Variants in RBFOX1 observed in about 807,000 individuals in gnomAD.
RBFOX1 encodes the protein RNA binding fox-1 homolog 1, also known as RNA binding protein fox-1 homolog 1.
In RBFOX1, 8 loss-of-function variants were observed where a neutral mutation model predicts 57.7. The ratio of observed to expected loss-of-function variants is 0.14; its 90% CI spans 0.08 to 0.25. RBFOX1 has a LOEUF of 0.25. RBFOX1 is among the 10% of genes least tolerant of loss of function. The pLI is 1.00. For synonymous variants in RBFOX1, 326 were observed against 222.4 expected (o/e 1.47, Z -4.15); for missense variants, 611 against 548.5 (o/e 1.11, Z -1.14).
chr16:7,676,552 T>C (rs2073334219), intron 13 of RBFOX1, among the ~76,000 whole-genome samples: 1 of 152,212 alleles, frequency 6.6e-6, no homozygotes, highest in Admixed American at 6.5e-5. Flanking sequence ...TCTTTTGGGA[T>C]GTGCTTATGA....
Position 7,561,065 on chromosome 16 carries a change from A to T in RBFOX1, c.271-18712A>T, listed in dbSNP as rs13338705. 7.5e-3 allele frequency among the ~76,000 whole-genome samples: 1,141 copies of T among 152,284 alleles called. 10 individuals carry two copies. Among genetic ancestry groups the T allele is most frequent in the African/African-American group, 0.026 (1,088 of 41,574 alleles). ...ATGTCTTCTTCATCCTTCAGTCCCCATATGTAGCAAATGTTCTTTATACAA... is the reference window on the plus strand; with the variant it reads ...ATGTCTTCTTCATCCTTCAGTCCCCTTATGTAGCAAATGTTCTTTATACAA... On this transcript the variant is annotated intron_variant, in intron 5 of 15. Coordinates refer to ENST00000550418, the MANE Select transcript of RBFOX1 (RefSeq NM_018723.4).
chr16:6,109,454 T>C (rs77101638), intron 1 of RBFOX1, among the ~76,000 whole-genome samples: 6,120 of 152,232 alleles, frequency 0.04, 298 homozygotes, highest in East Asian at 0.24. Flanking sequence ...CCAGGAATTG[T>C]GGAGATAAAT....
At chr16:5,693,953 T>C (rs927148560) in intron 3 of RBFOX1, among the ~76,000 whole-genome samples, 1 of 152,174 alleles carries the variant, frequency 6.6e-6, no homozygotes, top group Non-Finnish European at 1.5e-5. Context: ...TGTTACCCAT[T>C]TTCCCCAGTT....
intron 3 of RBFOX1, among the ~76,000 whole-genome samples, chr16:5,735,035 G>A (rs2052521343): frequency 6.6e-6 from 1 of 152,222 alleles, no homozygotes; most frequent in Admixed American, 6.5e-5. Context: ...CATGAGAGAA[G>A]TATGTGAAGT....
intron 1 of RBFOX1, among the ~76,000 whole-genome samples, chr16:6,158,629 C>T (rs2096855456): frequency 6.6e-6 from 1 of 152,126 alleles, no homozygotes; most frequent in Non-Finnish European, 1.5e-5. Flanking sequence ...TTGACCACTG[C>T]ACATGAGTTA....
chr16:5,524,483 T>C (rs1021053569), intron 2 of RBFOX1, among the ~76,000 whole-genome samples: 8 of 152,138 alleles, frequency 5.3e-5, no homozygotes, highest in Admixed American at 3.9e-4. Context: ...ATGATTTATA[T>C]TCCTTTCGGT....
At chr16:6,135,657 G>T (rs2096661204) in intron 1 of RBFOX1, among the ~76,000 whole-genome samples, 1 of 151,932 alleles carries the variant, frequency 6.6e-6, no homozygotes, top group South Asian at 2.1e-4. Context: ...AAAAAACCAT[G>T]AACACTAATA....
rs1430282539 is a variant in RBFOX1 at position 7,169,581 on chromosome 16, A to G, written c.27+117483A>G. Among the ~76,000 whole-genome samples, 5 of 152,222 alleles carry G rather than the reference A, an allele frequency of 3.3e-5. No homozygotes were observed. In the South Asian group the frequency reaches 1.0e-3, roughly 32 times the overall value. ...ATGTACATGATTAATTGCATCTTCA[A>G]CACATTCCTACCAGGTAGGTGCATT... On this transcript the variant is annotated intron_variant, in intron 4 of 15. Coordinates refer to ENST00000550418, the MANE Select transcript of RBFOX1 (RefSeq NM_018723.4).
rs112436510 is a variant in RBFOX1, at chr16:6,200,480, G to A, written c.-126-116515G>A. 2.1e-3 allele frequency among the ~76,000 whole-genome samples: 313 copies of A among 152,084 alleles called. 4 individuals carry two copies. The highest frequency in any genetic ancestry group is 7.1e-3 in the African/African-American group (294 of 41,482). On this transcript the variant is annotated intron_variant, in intron 1 of 15. Transcript: ENST00000550418. ...CAAGAGTGTATACCATCAGTTTTGCGATAACACAACATATGTGTTCCTAAA... is the reference window on the plus strand; with the variant it reads ...CAAGAGTGTATACCATCAGTTTTGCAATAACACAACATATGTGTTCCTAAA...
intron 4 of RBFOX1, among the ~76,000 whole-genome samples, chr16:7,277,359 T>G (rs1436589791): frequency 6.6e-6 from 1 of 152,190 alleles, no homozygotes; most frequent in East Asian, 1.9e-4. Flanking sequence ...TCTCCTTCTT[T>G]AGAAAACCTT....
intron 4 of RBFOX1, among the ~76,000 whole-genome samples, chr16:5,878,321 G>C (rs539563635): frequency 1.3e-5 from 2 of 152,242 alleles, no homozygotes; most frequent in South Asian, 2.1e-4. Context: ...GCAATGTATT[G>C]TATATAAATT....
intron 3 of RBFOX1, among the ~76,000 whole-genome samples, chr16:5,824,798 G>C (rs2055978387): frequency 2.0e-5 from 3 of 152,172 alleles, no homozygotes; most frequent in South Asian, 4.1e-4. Flanking sequence ...AGCAACTCCA[G>C]AGAGTATCTA....
At chr16:7,241,806 C>T (rs1006863229) in intron 4 of RBFOX1, among the ~76,000 whole-genome samples, 1 of 151,000 alleles carries the variant, frequency 6.6e-6, no homozygotes, top group Non-Finnish European at 1.5e-5. Flanking sequence ...AATGTAGATA[C>T]TCACATATAC....
At chr16:6,994,005 G>C (rs1451288950) in intron 3 of RBFOX1, among the ~76,000 whole-genome samples, 1 of 152,294 alleles carries the variant, frequency 6.6e-6, no homozygotes, top group South Asian at 2.1e-4. Context: ...GAAGTATGTG[G>C]TTTAATTACT....
chr16:5,673,422 C>G (rs1355494356), intron 3 of RBFOX1, among the ~76,000 whole-genome samples: 1 of 151,474 alleles, frequency 6.6e-6, no homozygotes, highest in Non-Finnish European at 1.5e-5. Context: ...AAGGCTCTGT[C>G]CAGAACTACT....
chr16:7,647,493 T>G (rs1461689639), intron 11 of RBFOX1, among the ~76,000 whole-genome samples: 1 of 152,044 alleles, frequency 6.6e-6, no homozygotes, highest in Non-Finnish European at 1.5e-5. Flanking sequence ...GTCCTTTCCA[T>G]TGTTCCTTAT....
intron 3 of RBFOX1, among the ~76,000 whole-genome samples, chr16:6,712,908 T>C (rs3042492): frequency 0.095 from 8,005 of 84,026 alleles, 304 homozygotes; most frequent in Middle Eastern, 0.15. Context: ...TTTTTTTTTT[T>C]CCTGTGCTGT....
At chr16:7,189,875 G>A (rs1257383596) in intron 4 of RBFOX1, among the ~76,000 whole-genome samples, 2 of 152,106 alleles carry the variant, frequency 1.3e-5, no homozygotes, top group African/African-American at 4.8e-5. Context: ...GTCTGCAATA[G>A]GCCCAACTCA....
chr16:6,445,840 C>G (rs2094474052), intron 2 of RBFOX1, among the ~76,000 whole-genome samples: 1 of 152,182 alleles, frequency 6.6e-6, no homozygotes, highest in South Asian at 2.1e-4. Flanking sequence ...CTCAGCCTCC[C>G]AAAGTGCTGG....
Sources: allele counts gnomAD v4.1 joint callset (sites outside exome capture counted in the v4.1 genomes callset), GRCh38; gene constraint gnomAD v4.1.1; transcripts MANE v1.5; gene names NCBI Gene and HGNC (gene_info 2026-07-23, HGNC 2026-07-21).